Variants in NTNG1 observed in about 807,000 individuals in gnomAD.
The protein encoded by NTNG1 is netrin G1.
NTNG1 carries 16 observed loss-of-function variants against 54.0 expected under a neutral mutation model. The observed-to-expected ratio is 0.30, with a 90% confidence interval of 0.20 to 0.45. The LOEUF is 0.45. Ranked by LOEUF, NTNG1 falls within the 20% of genes least tolerant of loss-of-function variation. NTNG1 has a pLI of 1.00. For synonymous variants in NTNG1, 255 were observed against 263.1 expected, an observed-to-expected ratio of 0.97 and a Z score of 0.30; for missense variants, 530 against 678.7, an observed-to-expected ratio of 0.78 and a Z score of 2.43.
intron 2 of NTNG1, among the ~76,000 whole-genome samples, chr1:107,228,711 C>T (rs1017519839): frequency 6.6e-6 from 1 of 152,064 alleles, no homozygotes; most frequent in African/African-American, 2.4e-5. Flanking sequence ...TTGAATATGC[C>T]ACTGATATGG....
chr1:107,484,719 G>A lies in NTNG1; in HGVS notation c.*3879G>A, dbSNP rs1353724657. Among the ~76,000 whole-genome samples the A allele has an allele frequency of 2.0e-5, 3 of 152,206 alleles. No homozygotes were observed. Among genetic ancestry groups the A allele is most frequent in the African/African-American group, 7.2e-5 (3 of 41,454 alleles). On this transcript the variant is annotated 3_prime_UTR_variant, in exon 8 of 8. Transcript: ENST00000370068. ...TTTTGGATGCACTGGGGGAACAACT[G>A]TGAGGAAATCTTGACATCGAATATT...
chr1:107,150,306 A>T (rs760294329), intron 2 of NTNG1, among the ~76,000 whole-genome samples: 1 of 152,182 alleles, frequency 6.6e-6, no homozygotes, highest in African/African-American at 2.4e-5. Flanking sequence ...TAGCAAAATC[A>T]TAATAAATCA....
chr1:107,401,702 T>TC (rs397813347), intron 4 of NTNG1, among the ~76,000 whole-genome samples: 2 of 151,486 alleles, frequency 1.3e-5, no homozygotes, highest in Non-Finnish European at 2.9e-5. Context: ...TTTTTTTTTT[T>TC]AATTTGAGGG....
chr1:107,457,087 T>C (rs1240554406), intron 7 of NTNG1, among the ~76,000 whole-genome samples: 2 of 152,354 alleles, frequency 1.3e-5, no homozygotes, highest in East Asian at 1.9e-4. Context: ...ATCTCAAACC[T>C]CAGGCTTGCC....
chr1:107,428,542 TGAA>T (rs1284455484), intron 5 of NTNG1, among the ~76,000 whole-genome samples: 4 of 152,044 alleles, frequency 2.6e-5, no homozygotes, highest in African/African-American at 7.2e-5. Context: ...TTAGGGAACA[TGAA>T]GAAGAACAGC....
Position 107,179,113 on chromosome 1 carries a change from C to A in NTNG1, c.246+30274C>A, listed in dbSNP as rs150705546. On this transcript the variant is annotated intron_variant, in intron 2 of 7. Coordinates refer to ENST00000370068, the MANE Select transcript of NTNG1 (RefSeq NM_001113226.3). ...AGGGAGGGGCCCTGAAAGATGGGCTCTTTAGAGGGGGACAGTGAATAACTA... is the reference window on the plus strand; with the variant it reads ...AGGGAGGGGCCCTGAAAGATGGGCTATTTAGAGGGGGACAGTGAATAACTA... 9.5e-4 allele frequency among the ~76,000 whole-genome samples: 145 copies of A among 152,266 alleles called. 1 individual carries two copies. The East Asian group carries it at 0.024, about 25-fold the overall frequency.
At chr1:107,280,646 A>T in intron 2 of NTNG1, among the ~76,000 whole-genome samples, 1 of 148,178 alleles carries the variant, frequency 6.7e-6, no homozygotes, top group African/African-American at 2.5e-5. Flanking sequence ...ATCATCCTAT[A>T]ACTCTCCTTT....
intron 1 of NTNG1, among the ~76,000 whole-genome samples, chr1:107,146,391 A>G (rs1010604741): frequency 2.6e-5 from 4 of 152,124 alleles, no homozygotes; most frequent in Non-Finnish European, 5.9e-5. Context: ...GTAAATTTGT[A>G]TCATTTTAAC....
At chr1:107,153,564 T>C (rs1654748821) in intron 2 of NTNG1, among the ~76,000 whole-genome samples, 1 of 152,256 alleles carries the variant, frequency 6.6e-6, no homozygotes, top group Non-Finnish European at 1.5e-5. Flanking sequence ...GTTCATTATT[T>C]AGACTTATTT....
chr1:107,163,183 C>G lies in NTNG1; in HGVS notation c.246+14344C>G, dbSNP rs572514813. Among the ~76,000 whole-genome samples the G allele has an allele frequency of 2.6e-5, 4 of 152,178 alleles. No homozygotes were observed. The South Asian group carries it at 8.3e-4, about 32-fold the overall frequency. On this transcript the variant is annotated intron_variant, in intron 2 of 7. Transcript: ENST00000370068. ...GAAAGGAAGTTTCTGGGATCAGAAG[C>G]TTTTTGGGTTTTTAGACATTTAGAG...
chr1:107,203,356 T>C (rs1190544225), intron 2 of NTNG1, among the ~76,000 whole-genome samples: 1 of 151,802 alleles, frequency 6.6e-6, no homozygotes, highest in Non-Finnish European at 1.5e-5. Flanking sequence ...AATGATAGTA[T>C]ACCTTGAGAT....
In NTNG1 at chr1:107,431,619, G is replaced by A. The variant is rs17019031; in HGVS notation, c.1255+702G>A. 5.7e-3 allele frequency among the ~76,000 whole-genome samples: 870 copies of A among 152,170 alleles called. 12 individuals are homozygous for A. The highest frequency in any genetic ancestry group is 0.02 in the African/African-American group (831 of 41,522). ...GACTACTGCTCTTGGCACCTAGGGAGGACCAGGCACCTTTCCCACCCAGAA... is the reference window on the plus strand; with the variant it reads ...GACTACTGCTCTTGGCACCTAGGGAAGACCAGGCACCTTTCCCACCCAGAA... On this transcript the variant is annotated intron_variant, in intron 6 of 7. Transcript: ENST00000370068.
At chr1:107,303,976 C>T (rs981515773) in intron 2 of NTNG1, among the ~76,000 whole-genome samples, 2 of 151,554 alleles carry the variant, frequency 1.3e-5, no homozygotes, top group Admixed American at 1.3e-4. Context: ...TGAGCCACCG[C>T]GCCCGCCTCT....
At chr1:107,387,970 C>A (rs200860133) in intron 3 of NTNG1, among the ~76,000 whole-genome samples, 1 of 152,076 alleles carries the variant, frequency 6.6e-6, no homozygotes, top group East Asian at 1.9e-4. Context: ...GTGTCCCTAC[C>A]CTACTTTGTT....
intron 2 of NTNG1, among the ~76,000 whole-genome samples, chr1:107,166,755 G>A (rs1469971603): frequency 6.6e-6 from 1 of 151,876 alleles, no homozygotes; most frequent in Admixed American, 6.6e-5. Flanking sequence ...ACAAGAAAAA[G>A]TCACTCTTAA....
At chr1:107,333,672 T>C (rs1668411173) in intron 3 of NTNG1, among the ~76,000 whole-genome samples, 1 of 151,944 alleles carries the variant, frequency 6.6e-6, no homozygotes, top group East Asian at 1.9e-4. Flanking sequence ...TGTGTGTGTG[T>C]GTGTTTAAAC....
rs1311067035 is a variant in NTNG1 at position 107,148,412 on chromosome 1, A to C, written c.-182A>C. 5.0e-6 allele frequency: 3 copies of C among 594,548 alleles called. No individual in the cohort carries two copies. In the Admixed American group the frequency reaches 8.9e-5, roughly 18 times the overall value. 36.8% of individuals were successfully genotyped at this position (594,548 alleles called of 1,614,324 possible). A position where few individuals can be genotyped will look rare whatever the true frequency, so the allele number is the denominator to read the frequency against. ...ATACCTGAATACGCACAATATCTTAACTCTTCATATTTGGTTTTGGGATCT... is the reference window on the plus strand; with the variant it reads ...ATACCTGAATACGCACAATATCTTACCTCTTCATATTTGGTTTTGGGATCT... On this transcript the variant is annotated 5_prime_UTR_variant, in exon 2 of 8. Coordinates refer to ENST00000370068, the MANE Select transcript of NTNG1 (RefSeq NM_001113226.3).
chr1:107,448,069 C>A (rs1456432804), intron 7 of NTNG1, among the ~76,000 whole-genome samples: 1 of 152,182 alleles, frequency 6.6e-6, no homozygotes, highest in Middle Eastern at 3.4e-3. Context: ...TCCAGTCTAA[C>A]AGTACCTTCC....
chr1:107,480,533 A>T lies in NTNG1; in HGVS notation c.1391-78A>T. On this transcript the variant is annotated intron_variant, in intron 7 of 7. Coordinates refer to ENST00000370068, the MANE Select transcript of NTNG1 (RefSeq NM_001113226.3). ...ATTTTTTTTTTAGGCTGAAAACATG[A>T]TGTACCAGATGAACTTCAATTGATT... 2.4e-6 allele frequency: 2 copies of T among 836,372 alleles called. 1 individual carries two copies. Among genetic ancestry groups the T allele is most frequent in the South Asian group, 3.5e-5 (2 of 57,564 alleles). 51.8% of individuals were successfully genotyped at this position (836,372 alleles called of 1,614,324 possible).
Sources: gnomAD v4.1 joint callset for allele counts (sites outside exome capture counted in the v4.1 genomes callset) on GRCh38, gnomAD v4.1.1 for gene constraint, MANE v1.5 for transcripts, NCBI Gene and HGNC (gene_info 2026-07-23, HGNC 2026-07-21) for gene names.